Variants in KIF16B observed in about 807,000 individuals in gnomAD.
KIF16B encodes the protein kinesin family member 16B, also known as kinesin-like protein KIF16B.
In KIF16B, 98 loss-of-function variants were observed where a neutral mutation model predicts 156.3. The ratio of observed to expected loss-of-function variants is 0.63; its 90% CI spans 0.53 to 0.74. The LOEUF (loss-of-function observed/expected upper bound fraction) is 0.74, where lower values mean the gene tolerates loss of function less well. Among genes scored for constraint, KIF16B ranks in the 30% least tolerant of loss-of-function variants. KIF16B has a pLI of 0.00. For synonymous variants in KIF16B, 564 were observed against 583.7 expected, an observed-to-expected ratio of 0.97 and a Z score of 0.49; for missense variants, 1,421 against 1,606.5, an observed-to-expected ratio of 0.88 and a Z score of 1.97.
chr20:16,390,052 C>T (rs773019652), intron 17 of KIF16B, among the ~76,000 whole-genome samples: 3 of 152,058 alleles, frequency 2.0e-5, no homozygotes, highest in African/African-American at 7.2e-5. Context: ...GGGTGGGATA[C>T]AAGAAGTCTC....
chr20:16,366,945 T>C (rs6080245), intron 22 of KIF16B: 94,159 of 1,251,838 alleles, frequency 0.075, 3,834 homozygotes, highest in African/African-American at 0.099. Flanking sequence ...AAAGATATTT[T>C]ATTGGGGCTC....
chr20:16,302,350 C>T (rs2063484269), intron 25 of KIF16B, among the ~76,000 whole-genome samples: 1 of 152,124 alleles, frequency 6.6e-6, no homozygotes, highest in Admixed American at 6.5e-5. Flanking sequence ...TCCAATTGTT[C>T]CATTTATTGA....
chr20:16,568,079 TTTGACCTATCTTCTTTTTAA>T (rs1354575232), intron 1 of KIF16B, among the ~76,000 whole-genome samples: 3 of 152,210 alleles, frequency 2.0e-5, no homozygotes, highest in Non-Finnish European at 4.4e-5. Flanking sequence ...CTACTTTCCC[TTTGACCTATCTTCTTTTTAA>T]AAGAGGAAGA....
intron 1 of KIF16B, among the ~76,000 whole-genome samples, chr20:16,568,834 A>C (rs1304606572): frequency 8.6e-6 from 1 of 116,634 alleles, no homozygotes; most frequent in Non-Finnish European, 2.1e-5. Context: ...AAAAAAAAAA[A>C]AAAAAAAAAA....
At chr20:16,332,678 A>G (rs533011716) in intron 24 of KIF16B, among the ~76,000 whole-genome samples, 2 of 152,192 alleles carry the variant, frequency 1.3e-5, no homozygotes, top group Admixed American at 6.5e-5. Flanking sequence ...GAAGTCGCCT[A>G]TGAATAGAAA....
At chr20:16,288,854 T>C (rs2063269672) in intron 25 of KIF16B, among the ~76,000 whole-genome samples, 1 of 152,062 alleles carries the variant, frequency 6.6e-6, no homozygotes, top group Admixed American at 6.5e-5. Context: ...TGGAAGAGCA[T>C]CTGTATGGTA....
intron 17 of KIF16B, among the ~76,000 whole-genome samples, chr20:16,394,060 T>C (rs1198438373): frequency 6.6e-6 from 1 of 152,236 alleles, no homozygotes; most frequent in African/African-American, 2.4e-5. Context: ...TGCTACCATG[T>C]AGGACTAGGA....
chr20:16,546,208 G>A (rs747956560), intron 1 of KIF16B, among the ~76,000 whole-genome samples: 5 of 152,122 alleles, frequency 3.3e-5, no homozygotes, highest in African/African-American at 7.2e-5. Context: ...GTAGCTTTGC[G>A]ACTTTGGGTA....
At chr20:16,494,702 A>G (rs1192286514) in intron 11 of KIF16B, among the ~76,000 whole-genome samples, 1 of 152,210 alleles carries the variant, frequency 6.6e-6, no homozygotes, top group East Asian at 1.9e-4. Context: ...ATTATTATAC[A>G]TCAGGTCCTA....
chr20:16,367,022 G>A, intron 22 of KIF16B: 1 of 1,348,322 alleles, frequency 7.4e-7, no homozygotes, highest in African/African-American at 1.5e-5. Flanking sequence ...TTAGAGGTCT[G>A]CATTTTTCCA....
chr20:16,468,139 A>T (rs1435039644), intron 12 of KIF16B, among the ~76,000 whole-genome samples: 1 of 152,240 alleles, frequency 6.6e-6, no homozygotes, highest in Non-Finnish European at 1.5e-5. Flanking sequence ...CCCAGTTTAA[A>T]TGTAAAAACA....
intron 25 of KIF16B, among the ~76,000 whole-genome samples, chr20:16,277,943 G>A (rs1362046409): frequency 6.6e-6 from 1 of 152,238 alleles, no homozygotes; most frequent in East Asian, 1.9e-4. Flanking sequence ...ACACACCTGA[G>A]TCTTTGCTTT....
At chr20:16,518,498 TTAAAA>T (rs2069219892) in intron 3 of KIF16B, among the ~76,000 whole-genome samples, 1 of 152,158 alleles carries the variant, frequency 6.6e-6, no homozygotes, top group South Asian at 2.1e-4. Flanking sequence ...GAGGGCACTG[TTAAAA>T]TAAAAACTCG....
intron 25 of KIF16B, among the ~76,000 whole-genome samples, chr20:16,291,081 G>T (rs1279938180): frequency 8.5e-5 from 13 of 152,210 alleles, no homozygotes; most frequent in Non-Finnish European, 1.8e-4. Context: ...TTGTAAAATA[G>T]TCGTTGAACA....
At chr20:16,360,239 C>T (rs570914365) in intron 22 of KIF16B, among the ~76,000 whole-genome samples, 1 of 152,020 alleles carries the variant, frequency 6.6e-6, no homozygotes, top group Non-Finnish European at 1.5e-5. Flanking sequence ...TATGTTTATA[C>T]TGGACAGGAA....
chr20:16,471,681 T>C (rs16990188), intron 12 of KIF16B, among the ~76,000 whole-genome samples: 33,600 of 152,148 alleles, frequency 0.22, 3,794 homozygotes, highest in Admixed American at 0.26. Context: ...ATTTTAAAAA[T>C]CCATCACAGA....
rs1325471263 is a variant in KIF16B, at chr20:16,335,974, G to A, written c.3663C>T (p.Tyr1221=). 4.3e-6 allele frequency: 7 copies of A among 1,610,312 alleles called. No homozygotes were observed. Among genetic ancestry groups the A allele is most frequent in the East Asian group, 2.2e-5 (1 of 44,754 alleles). The change falls in exon 24 of 26, where the codon TAC becomes TAT. Residue 1221 remains tyrosine, a synonymous_variant. Transcript: ENST00000354981. Reference sequence around the variant, plus strand: ...TTTTATGCATTTCTCGAAAACGACTGTAACGCCTGAATACAGTCCATGTCT... The same window carrying A: ...TTTTATGCATTTCTCGAAAACGACTATAACGCCTGAATACAGTCCATGTCT... ...LDETWTVFRR[Y]SRFREMHKTL... is the part of the protein sequence containing the mutation.
chr20:16,431,493 G>A (rs569740590), intron 12 of KIF16B, among the ~76,000 whole-genome samples: 3 of 152,188 alleles, frequency 2.0e-5, no homozygotes, highest in African/African-American at 4.8e-5. Context: ...CACTCACTGC[G>A]GTTCCTACTG....
intron 24 of KIF16B, among the ~76,000 whole-genome samples, chr20:16,319,052 A>T (rs2063737948): frequency 6.6e-6 from 1 of 152,214 alleles, no homozygotes; most frequent in Non-Finnish European, 1.5e-5. Context: ...AAAAATGCAT[A>T]ACAAGTCTTC....
Sources: allele counts gnomAD v4.1 joint callset (sites outside exome capture counted in the v4.1 genomes callset), GRCh38; gene constraint gnomAD v4.1.1; transcripts MANE v1.5; gene names NCBI Gene and HGNC (gene_info 2026-07-23, HGNC 2026-07-21).